The following KALRN variants were observed in gnomAD, a reference collection of about 807,000 sequenced individuals.
KALRN encodes the protein kalirin RhoGEF kinase.
KALRN carries 70 observed loss-of-function variants against 353.7 expected under a neutral mutation model. That is an observed-to-expected ratio of 0.20 (90% confidence interval 0.16 to 0.24). The LOEUF (loss-of-function observed/expected upper bound fraction) is 0.24, where lower values mean the gene tolerates loss of function less well. KALRN is among the 10% of genes least tolerant of loss of function. The pLI is 1.00. For missense variants in KALRN, 2,791 were observed against 3,756.7 expected (o/e 0.74, Z 6.72); for synonymous variants, 1,391 against 1,434.8 (o/e 0.97, Z 0.69).
chr3:124,573,965 A>G (rs1276765344), intron 34 of KALRN, among the ~76,000 whole-genome samples: 1 of 152,192 alleles, frequency 6.6e-6, no homozygotes, highest in African/African-American at 2.4e-5. Context: ...ACTTGAAGGT[A>G]ACATTTGGAC....
Position 124,665,053 on chromosome 3 carries a change from CATGATCCAGGCAG to C in KALRN, c.6346-1394_6346-1382del, listed in dbSNP as rs1380364965. ...GCTGCTGACATTGGCAGTAAGGAGC[CATGATCCAGGCAG>C]AGGGCAGGCACTTCTCAGGAACACA... is the stretch of plus-strand genomic sequence containing the variant. On this transcript the variant is annotated intron_variant, in intron 45 of 59. Transcript: ENST00000682506. Among the ~76,000 whole-genome samples, 14 of 152,294 alleles carry C rather than the reference CATGATCCAGGCAG, an allele frequency of 9.2e-5. 1 individual carries two copies. The highest frequency in any genetic ancestry group is 3.4e-4 in the African/African-American group (14 of 41,560).
chr3:124,170,831 C>CTTTTTTTT lies in KALRN; in HGVS notation c.74-57127_74-57120dup, dbSNP rs752783614. ...TATAAACTCCTTCCACTTCCACATT[C>CTTTTTTTT]TTTTTTTTTTTTTTTTTTTTTTTTT... On this transcript the variant is annotated intron_variant, in intron 1 of 59. Coordinates refer to ENST00000682506, the MANE Select transcript of KALRN (RefSeq NM_001388419.1). Among the ~76,000 whole-genome samples, 53 of 47,148 alleles carry CTTTTTTTT rather than the reference C, an allele frequency of 1.1e-3. 11 individuals are homozygous for CTTTTTTTT. Among genetic ancestry groups the CTTTTTTTT allele is most frequent in the African/African-American group, 2.5e-3 (31 of 12,584 alleles). 30.9% of individuals were successfully genotyped at this position (47,148 alleles called of 152,430 possible). A position where few individuals can be genotyped will look rare whatever the true frequency, so the allele number is the denominator to read the frequency against.
At chr3:124,592,045 A>G (rs2075829259) in intron 34 of KALRN, among the ~76,000 whole-genome samples, 1 of 152,240 alleles carries the variant, frequency 6.6e-6, no homozygotes, top group African/African-American at 2.4e-5. Flanking sequence ...TCACACGTGT[A>G]ATCCCAGCAC....
intron 34 of KALRN, among the ~76,000 whole-genome samples, chr3:124,632,167 G>A (rs189914200): frequency 4.4e-4 from 67 of 152,108 alleles, no homozygotes; most frequent in African/African-American, 8.9e-4. Flanking sequence ...TGTAAACTCC[G>A]CGAAGGCAGG....
At chr3:124,378,128 T>G (rs1353315163) in intron 10 of KALRN, among the ~76,000 whole-genome samples, 3 of 152,046 alleles carry the variant, frequency 2.0e-5, no homozygotes, top group Non-Finnish European at 4.4e-5. Context: ...TTTTCCTCCC[T>G]TTTTTTGCTT....
chr3:124,046,452 A>G (rs1179900353), intron 1 of KALRN, among the ~76,000 whole-genome samples: 1 of 152,222 alleles, frequency 6.6e-6, no homozygotes, highest in Non-Finnish European at 1.5e-5. Flanking sequence ...AGCCAAGGTC[A>G]TCTGCAAGCA....
At chr3:124,639,929 T>C (rs1022143170) in intron 37 of KALRN, among the ~76,000 whole-genome samples, 1 of 152,182 alleles carries the variant, frequency 6.6e-6, no homozygotes, top group Non-Finnish European at 1.5e-5. Flanking sequence ...TCTTGGTCCT[T>C]TCCACCACTT....
intron 14 of KALRN, among the ~76,000 whole-genome samples, chr3:124,417,892 A>G (rs2092592049): frequency 6.6e-6 from 1 of 152,250 alleles, no homozygotes; most frequent in African/African-American, 2.4e-5. Context: ...ATTCTAGCAC[A>G]TGCTGCATTC....
At position 124,616,567 on chromosome 3, in the gene KALRN, G is replaced by C. The variant is rs142141772; in HGVS notation, c.5183-15853G>C. Among the ~76,000 whole-genome samples the C allele has an allele frequency of 4.3e-3, 659 of 152,142 alleles. 3 individuals carry two copies. Among genetic ancestry groups the C allele is most frequent in the African/African-American group, 0.015 (627 of 41,490 alleles). On this transcript the variant is annotated intron_variant, in intron 34 of 59. Coordinates refer to ENST00000682506, the MANE Select transcript of KALRN (RefSeq NM_001388419.1). ...GGTAAATGCTCTATGTTCCCTCTGG[G>C]GTCATCATCTACATTAGCATATTAG... is the stretch of plus-strand genomic sequence containing the variant.
At chr3:124,573,494 T>C (rs572580832) in intron 34 of KALRN, among the ~76,000 whole-genome samples, 4 of 152,180 alleles carry the variant, frequency 2.6e-5, no homozygotes, top group South Asian at 2.1e-4. Context: ...CTAGTTTCCA[T>C]TGGTTTTCTT....
At chr3:124,377,052 G>A (rs925900121) in intron 10 of KALRN, among the ~76,000 whole-genome samples, 15 of 152,188 alleles carry the variant, frequency 9.9e-5, no homozygotes, top group Non-Finnish European at 2.9e-5. Context: ...GAGTTTTGGA[G>A]AAGTACATGT....
chr3:124,152,202 C>G, intron 1 of KALRN: 1 of 1,581,404 alleles, frequency 6.3e-7, no homozygotes, highest in Non-Finnish European at 8.6e-7. Flanking sequence ...CAATTCGCTT[C>G]TTATTGATTT....
intron 6 of KALRN, among the ~76,000 whole-genome samples, chr3:124,311,278 G>A (rs1470479763): frequency 6.6e-6 from 1 of 151,452 alleles, no homozygotes; most frequent in Non-Finnish European, 1.5e-5. Context: ...TGGCCAACAC[G>A]GCAAAACCTG....
At chr3:124,057,345 C>T (rs1361515714) in intron 1 of KALRN, among the ~76,000 whole-genome samples, 1 of 152,080 alleles carries the variant, frequency 6.6e-6, no homozygotes, top group African/African-American at 2.4e-5. Flanking sequence ...AAGAAATTCT[C>T]ATAGTTTATA....
At chr3:124,287,813 ATATATATATATATG>A (rs1159084108) in intron 5 of KALRN, among the ~76,000 whole-genome samples, 26 of 21,282 alleles carry the variant, frequency 1.2e-3, no homozygotes, top group Middle Eastern at 0.053. Context: ...ATATATATAT[ATATATATATATATG>A]TATATAATTT....
chr3:124,329,255 G>A (rs1257863081), intron 7 of KALRN, among the ~76,000 whole-genome samples: 1 of 152,218 alleles, frequency 6.6e-6, no homozygotes, highest in African/African-American at 2.4e-5. Flanking sequence ...TGCAGTAGGT[G>A]TAGCACAGCC....
intron 4 of KALRN, among the ~76,000 whole-genome samples, chr3:124,265,312 T>TTTTTTTTTTTTTTTTTA (rs2073392078): frequency 1.4e-5 from 2 of 141,090 alleles, no homozygotes; most frequent in Admixed American, 7.4e-5. Context: ...TTTTTTTTTT[T>TTTTTTTTTTTTTTTTTA]GAGATAGAGT....
chr3:124,544,590 A>ATAGATG (rs2069417083), intron 33 of KALRN, among the ~76,000 whole-genome samples: 1 of 152,024 alleles, frequency 6.6e-6, no homozygotes, highest in Non-Finnish European at 1.5e-5. Context: ...CGATACATCT[A>ATAGATG]TATCGATATA....
chr3:124,591,272 G>A (rs962780994), intron 34 of KALRN, among the ~76,000 whole-genome samples: 29 of 152,194 alleles, frequency 1.9e-4, no homozygotes, highest in African/African-American at 6.7e-4. Flanking sequence ...CTTAATTCAG[G>A]TCCCTTTTCC....
Sources: allele counts gnomAD v4.1 joint callset (sites outside exome capture counted in the v4.1 genomes callset), GRCh38; gene constraint gnomAD v4.1.1; transcripts MANE v1.5; gene names NCBI Gene and HGNC (gene_info 2026-07-23, HGNC 2026-07-21).